Variants in MACROD2 observed in about 807,000 individuals in gnomAD.
The protein encoded by MACROD2 is mono-ADP ribosylhydrolase 2, also known as ADP-ribose glycohydrolase MACROD2.
A neutral mutation model predicts 70.4 loss-of-function variants in MACROD2; 36 were observed. The observed-to-expected ratio is 0.51, with a 90% CI of 0.39 to 0.68. The LOEUF (loss-of-function observed/expected upper bound fraction) is 0.68. Among genes scored for constraint, MACROD2 ranks in the 30% least tolerant of loss-of-function variants. The probability of loss-of-function intolerance (pLI) is 0.00; values close to 1 mark genes in which losing one functional copy is unlikely to be tolerated. For synonymous variants in MACROD2, 172 were observed against 178.8 expected (o/e 0.96, Z 0.30); for missense variants, 496 against 538.4 (o/e 0.92, Z 0.78).
chr20:14,211,409 C>G (rs2081569712), intron 3 of MACROD2, among the ~76,000 whole-genome samples: 1 of 152,002 alleles, frequency 6.6e-6, no homozygotes, highest in African/African-American at 2.4e-5. Context: ...TTGTCTTTAT[C>G]TCATTTAATG....
rs777040551 is a variant in MACROD2 at position 14,080,328 on chromosome 20, A to G, written c.164-5293A>G. Among the ~76,000 whole-genome samples, 219 of 150,868 alleles carry G rather than the reference A, an allele frequency of 1.5e-3. 1 individual carries two copies. Among genetic ancestry groups the G allele is most frequent in the Non-Finnish European group, 1.2e-3 (80 of 67,864 alleles). On this transcript the variant is annotated intron_variant, in intron 2 of 17. Coordinates refer to ENST00000684519, the MANE Select transcript of MACROD2 (RefSeq NM_001351661.2). ...TGTGGTGGCAGGCGCCTGTAGTCCC[A>G]GCTACTCAGGAGGCTGAAGGAGGAG...
At chr20:15,342,353 G>C (rs1195358517) in intron 6 of MACROD2, among the ~76,000 whole-genome samples, 1 of 152,144 alleles carries the variant, frequency 6.6e-6, no homozygotes, top group African/African-American at 2.4e-5. Flanking sequence ...GTCAGACTAG[G>C]ATCGGTCAAC....
At chr20:14,106,768 AAAT>A (rs1215274803) in intron 3 of MACROD2, among the ~76,000 whole-genome samples, 1 of 152,174 alleles carries the variant, frequency 6.6e-6, no homozygotes, top group Non-Finnish European at 1.5e-5. Flanking sequence ...AGTAAGGGGA[AAAT>A]AATAAGAGTC....
At chr20:14,428,592 T>A (rs1282888420) in intron 3 of MACROD2, among the ~76,000 whole-genome samples, 2 of 152,154 alleles carry the variant, frequency 1.3e-5, no homozygotes, top group African/African-American at 4.8e-5. Context: ...AAATAAATTA[T>A]TTAAAAAGAG....
At chr20:14,471,149 C>T (rs140083199) in intron 3 of MACROD2, among the ~76,000 whole-genome samples, 49 of 152,266 alleles carry the variant, frequency 3.2e-4, no homozygotes, top group African/African-American at 1.2e-3. Flanking sequence ...GGGCACAATC[C>T]CTGTGGGCTT....
intron 5 of MACROD2, among the ~76,000 whole-genome samples, chr20:14,875,379 ACT>A (rs2073539046): frequency 6.6e-6 from 1 of 151,842 alleles, no homozygotes; most frequent in African/African-American, 2.4e-5. Context: ...ACAGAGTGAG[ACT>A]CTGTCTCAAA....
intron 6 of MACROD2, among the ~76,000 whole-genome samples, chr20:15,341,939 AC>A: frequency 6.6e-6 from 1 of 152,088 alleles, no homozygotes; most frequent in Non-Finnish European, 1.5e-5. Context: ...TTGTAATCTT[AC>A]CTATTTGGGA....
At chr20:14,379,202 G>T (rs147475386) in intron 3 of MACROD2, among the ~76,000 whole-genome samples, 1 of 152,142 alleles carries the variant, frequency 6.6e-6, no homozygotes, top group East Asian at 1.9e-4. Flanking sequence ...TACCAGGGTC[G>T]TATAATTAGA....
intron 13 of MACROD2, among the ~76,000 whole-genome samples, chr20:15,969,529 A>G (rs1409565986): frequency 1.3e-5 from 2 of 152,206 alleles, no homozygotes; most frequent in African/African-American, 2.4e-5. Context: ...GAAGTAAATG[A>G]TGCTATAACT....
At chr20:15,071,503 G>A (rs2075619194) in intron 5 of MACROD2, among the ~76,000 whole-genome samples, 1 of 152,142 alleles carries the variant, frequency 6.6e-6, no homozygotes, top group Non-Finnish European at 1.5e-5. Flanking sequence ...AGAAAATTTT[G>A]TAATGCTATT....
intron 6 of MACROD2, among the ~76,000 whole-genome samples, chr20:15,295,922 C>T (rs1340528115): frequency 6.6e-6 from 1 of 152,174 alleles, no homozygotes; most frequent in African/African-American, 2.4e-5. Context: ...TGCAAGTTAG[C>T]TCACTGCCAC....
chr20:15,168,691 A>G (rs2076403235), intron 5 of MACROD2, among the ~76,000 whole-genome samples: 1 of 152,142 alleles, frequency 6.6e-6, no homozygotes, highest in African/African-American at 2.4e-5. Context: ...CTTAGCCATA[A>G]AAAGAATGAG....
chr20:15,914,773 C>T (rs927340516), intron 10 of MACROD2, among the ~76,000 whole-genome samples: 2 of 152,170 alleles, frequency 1.3e-5, no homozygotes, highest in African/African-American at 2.4e-5. Context: ...AGACTCCCCC[C>T]ACTTCAAGAT....
At chr20:15,353,610 A>C (rs1393032738) in intron 6 of MACROD2, among the ~76,000 whole-genome samples, 1 of 151,912 alleles carries the variant, frequency 6.6e-6, no homozygotes, top group African/African-American at 2.4e-5. Context: ...CTCATCTGAC[A>C]AAGGGCTAAT....
intron 8 of MACROD2, among the ~76,000 whole-genome samples, chr20:15,816,193 G>T (rs1476373899): frequency 6.6e-6 from 1 of 152,072 alleles, no homozygotes; most frequent in Non-Finnish European, 1.5e-5. Context: ...AGAGTTCATG[G>T]TAGGAAGGTC....
chr20:14,867,022 G>A (rs1229317793), intron 5 of MACROD2, among the ~76,000 whole-genome samples: 1 of 152,058 alleles, frequency 6.6e-6, no homozygotes, highest in Non-Finnish European at 1.5e-5. Flanking sequence ...TCTGTGATGT[G>A]GAAGCTGTCA....
At chr20:14,696,217 A>G (rs2071124830) in intron 5 of MACROD2, among the ~76,000 whole-genome samples, 1 of 152,224 alleles carries the variant, frequency 6.6e-6, no homozygotes, top group South Asian at 2.1e-4. Flanking sequence ...AAGAGAACCC[A>G]AAGTCCAGCT....
At chr20:14,699,142 G>A (rs2071162628) in intron 5 of MACROD2, among the ~76,000 whole-genome samples, 1 of 152,114 alleles carries the variant, frequency 6.6e-6, no homozygotes, top group Non-Finnish European at 1.5e-5. Flanking sequence ...CCTGCCTAAT[G>A]AAAAGCTCAT....
intron 3 of MACROD2, among the ~76,000 whole-genome samples, chr20:14,137,942 T>C (rs1424551624): frequency 6.6e-6 from 1 of 152,074 alleles, no homozygotes; most frequent in Admixed American, 6.5e-5. Context: ...ACACCAAAGA[T>C]GGGCAAAGGA....
Sources: gnomAD v4.1 joint callset for allele counts (sites outside exome capture counted in the v4.1 genomes callset) on GRCh38, gnomAD v4.1.1 for gene constraint, MANE v1.5 for transcripts, NCBI Gene and HGNC (gene_info 2026-07-23, HGNC 2026-07-21) for gene names.